Variants in RBFOX1 observed in about 807,000 individuals in gnomAD.
RBFOX1 encodes RNA binding protein fox-1 homolog 1.
Under a neutral mutation model 57.7 loss-of-function variants are expected in RBFOX1, and 8 were observed. The observed-to-expected ratio is 0.14, with a 90% CI of 0.08 to 0.25. The LOEUF (loss-of-function observed/expected upper bound fraction) is 0.25. Among genes scored for constraint, RBFOX1 ranks in the 10% least tolerant of loss-of-function variants. The probability of loss-of-function intolerance (pLI) is 1.00; values close to 1 mark genes in which losing one functional copy is unlikely to be tolerated. For synonymous variants in RBFOX1, 326 were observed against 222.4 expected, an observed-to-expected ratio of 1.47 and a Z score of -4.15; for missense variants, 611 against 548.5, an observed-to-expected ratio of 1.11 and a Z score of -1.14.
intron 3 of RBFOX1, among the ~76,000 whole-genome samples, chr16:6,867,667 G>T (rs2060175099): frequency 6.6e-6 from 1 of 152,050 alleles, no homozygotes; most frequent in Non-Finnish European, 1.5e-5. Flanking sequence ...TGCAGTGAGT[G>T]CCGAGATTGC....
intron 1 of RBFOX1, among the ~76,000 whole-genome samples, chr16:6,153,646 C>G (rs1336456021): frequency 1.3e-5 from 2 of 152,110 alleles, no homozygotes; most frequent in African/African-American, 4.8e-5. Flanking sequence ...AGTGATTCTC[C>G]TGTCTCAGCC....
chr16:5,976,464 G>A (rs539759433), intron 4 of RBFOX1, among the ~76,000 whole-genome samples: 1 of 152,286 alleles, frequency 6.6e-6, no homozygotes. Context: ...GGTAGAGAGA[G>A]TGATGTTCCT....
At chr16:7,635,357 A>ATTTTATGAATATG (rs2061587695) in intron 11 of RBFOX1, among the ~76,000 whole-genome samples, 1 of 152,200 alleles carries the variant, frequency 6.6e-6, no homozygotes, top group Non-Finnish European at 1.5e-5. Flanking sequence ...TTTCTTCAGG[A>ATTTTATGAATATG]TTTTATGAAT....
chr16:6,753,802 G>A (rs1051126286), intron 3 of RBFOX1, among the ~76,000 whole-genome samples: 8 of 152,108 alleles, frequency 5.3e-5, no homozygotes. Context: ...TGAGGCTGTT[G>A]CCTGCTCTAC....
At position 6,213,935 on chromosome 16, in the gene RBFOX1, C is replaced by T. The variant is rs542886616; in HGVS notation, c.-126-103060C>T. Among the ~76,000 whole-genome samples the T allele has an allele frequency of 2.0e-5, 3 of 152,296 alleles. No homozygotes were observed. The South Asian group carries it at 6.2e-4, about 32-fold the overall frequency. On this transcript the variant is annotated intron_variant, in intron 1 of 15. Coordinates refer to ENST00000550418, the MANE Select transcript of RBFOX1 (RefSeq NM_018723.4). Reference sequence around the variant, plus strand: ...ATCCCAGCTCTCTACACTCTAGATGCCAGTACAACCCACTCTCCTAATCAT... The same window carrying T: ...ATCCCAGCTCTCTACACTCTAGATGTCAGTACAACCCACTCTCCTAATCAT...
At chr16:5,335,752 A>G (rs1218001533) in intron 1 of RBFOX1, among the ~76,000 whole-genome samples, 2 of 152,214 alleles carry the variant, frequency 1.3e-5, no homozygotes, top group Non-Finnish European at 2.9e-5. Context: ...CCATGACTGT[A>G]TCTTCAGAAG....
chr16:6,075,235 A>G (rs924012369), intron 1 of RBFOX1, among the ~76,000 whole-genome samples: 1 of 152,250 alleles, frequency 6.6e-6, no homozygotes, highest in African/African-American at 2.4e-5. Context: ...TTGCAATGCC[A>G]TTACCGATGC....
At chr16:7,672,886 A>AAAAAAAAAAAAC (rs2071997232) in intron 13 of RBFOX1, among the ~76,000 whole-genome samples, 2 of 148,744 alleles carry the variant, frequency 1.3e-5, no homozygotes, top group Non-Finnish European at 1.5e-5. Context: ...AAAAAAAAAA[A>AAAAAAAAAAAAC]AAGAACATAT....
intron 2 of RBFOX1, among the ~76,000 whole-genome samples, chr16:6,369,312 G>A (rs1016023964): frequency 3.3e-5 from 5 of 152,154 alleles, no homozygotes; most frequent in African/African-American, 1.2e-4. Context: ...TTCCTTAGAT[G>A]TATTCTGCTG....
chr16:7,137,071 A>T (rs1286106998), intron 4 of RBFOX1, among the ~76,000 whole-genome samples: 2 of 152,254 alleles, frequency 1.3e-5, no homozygotes, highest in African/African-American at 4.8e-5. Flanking sequence ...TATTATTTCT[A>T]TTCTATAAAG....
chr16:6,642,452 G>C (rs776240169), intron 2 of RBFOX1, among the ~76,000 whole-genome samples: 1 of 152,066 alleles, frequency 6.6e-6, no homozygotes, highest in African/African-American at 2.4e-5. Flanking sequence ...ACCTGAAACA[G>C]GGATGCCGTT....
intron 3 of RBFOX1, among the ~76,000 whole-genome samples, chr16:5,663,365 C>T (rs1178374096): frequency 6.6e-6 from 1 of 151,812 alleles, no homozygotes; most frequent in Non-Finnish European, 1.5e-5. Flanking sequence ...CCACCATGCC[C>T]AGCTAATTTT....
chr16:6,088,615 A>T (rs1022730799), intron 1 of RBFOX1, among the ~76,000 whole-genome samples: 1 of 151,878 alleles, frequency 6.6e-6, no homozygotes, highest in African/African-American at 2.4e-5. Flanking sequence ...TGTATAAACT[A>T]GATAGAATGG....
Position 5,487,104 on chromosome 16 carries a change from C to T in RBFOX1, c.258+19850C>T, listed in dbSNP as rs150439494. On this transcript the variant is annotated intron_variant, in intron 2 of 2. Coordinates refer to the RBFOX1 transcript ENST00000585867. The stretch of plus-strand genomic sequence containing the variant: ...TCAGTGTAGGTGTCATTTCCTCAGG[C>T]AAGCCCTCCGGGAGTTCTCCAGACA... 2.4e-3 allele frequency among the ~76,000 whole-genome samples: 372 copies of T among 151,846 alleles called. 1 individual carries two copies. The highest frequency in any genetic ancestry group is 8.1e-3 in the African/African-American group (338 of 41,528).
intron 1 of RBFOX1, among the ~76,000 whole-genome samples, chr16:5,273,239 TG>T (rs1455302369): frequency 2.6e-5 from 4 of 151,668 alleles, no homozygotes; most frequent in Non-Finnish European, 4.4e-5. Flanking sequence ...TTTTTTTTTT[TG>T]GTGGTCGGTT....
At chr16:6,252,629 TG>T (rs2097626751) in intron 1 of RBFOX1, among the ~76,000 whole-genome samples, 1 of 152,108 alleles carries the variant, frequency 6.6e-6, no homozygotes, top group African/African-American at 2.4e-5. Flanking sequence ...TGTTTTGTTT[TG>T]TTTTGTTTTT....
rs72636227 is a variant in RBFOX1 at position 7,212,833 on chromosome 16, A to G, written c.27+160735A>G. 3.3e-5 allele frequency among the ~76,000 whole-genome samples: 5 copies of G among 152,150 alleles called. No homozygotes were observed. In the South Asian group the frequency reaches 8.3e-4, roughly 25 times the overall value. On this transcript the variant is annotated intron_variant, in intron 4 of 15. Transcript: ENST00000550418. ...GCACATGTATCCCAGAACTTAGAGT[A>G]AAATCAAAAAATAAAAAGAATAACT...
intron 1 of RBFOX1, among the ~76,000 whole-genome samples, chr16:5,400,610 A>G (rs561217966): frequency 2.0e-5 from 3 of 152,242 alleles, no homozygotes; most frequent in Non-Finnish European, 4.4e-5. Flanking sequence ...CTTACATAAT[A>G]TTCCATATTA....
At chr16:6,815,730 C>A (rs539692716) in intron 3 of RBFOX1, among the ~76,000 whole-genome samples, 97 of 152,310 alleles carry the variant, frequency 6.4e-4, no homozygotes, top group Non-Finnish European at 5.9e-5. Context: ...CCACTCTTCT[C>A]TCTGGTCCCC....
Sources: gnomAD v4.1 joint callset for allele counts (sites outside exome capture counted in the v4.1 genomes callset) on GRCh38, gnomAD v4.1.1 for gene constraint, MANE v1.5 for transcripts, NCBI Gene and HGNC (gene_info 2026-07-23, HGNC 2026-07-21) for gene names.